Variants in SPECC1 observed in about 807,000 individuals in gnomAD.
SPECC1 encodes the protein cytospin-B.
A neutral mutation model predicts 104.1 loss-of-function variants in SPECC1; 62 were observed. The ratio of observed to expected loss-of-function variants is 0.60; its 90% CI spans 0.49 to 0.74. SPECC1 has a LOEUF of 0.74. SPECC1 is among the 30% of genes least tolerant of loss of function. The pLI, the probability that SPECC1 is intolerant of heterozygous loss-of-function variation, is 0.00. For missense variants in SPECC1, 1,306 were observed against 1,310.5 expected, an observed-to-expected ratio of 1.00 and a Z score of 0.05; for synonymous variants, 513 against 501.6, an observed-to-expected ratio of 1.02 and a Z score of -0.30.
At chr17:20,166,159 AC>A (rs1368671967) in intron 3 of SPECC1, among the ~76,000 whole-genome samples, 3 of 152,268 alleles carry the variant, frequency 2.0e-5, no homozygotes, top group Non-Finnish European at 2.9e-5. Context: ...TGATAAAAGT[AC>A]AATTCAAGAA....
chr17:20,198,433 A>T (rs2036183829), intron 3 of SPECC1, among the ~76,000 whole-genome samples: 1 of 152,244 alleles, frequency 6.6e-6, no homozygotes, highest in Admixed American at 6.5e-5. Context: ...CTCAGTAGCA[A>T]AGGGATCTTT....
Position 20,260,297 on chromosome 17 carries a change from A to C in SPECC1, c.2940+3A>C. The stretch of plus-strand genomic sequence containing the variant: ...AGAAGAAGACACAAGGTTATGCGGT[A>C]AGGGACAACATCAGCCAACTTCCAG... On this transcript the variant is annotated splice_donor_region_variant and intron_variant, in intron 12 of 14. Coordinates refer to ENST00000395527, the MANE Select transcript of SPECC1 (RefSeq NM_001243439.2). The C allele has an allele frequency of 6.2e-7, 1 of 1,613,188 alleles. No individual in the cohort carries two copies. Among genetic ancestry groups the C allele is most frequent in the Non-Finnish European group, 8.5e-7 (1 of 1,179,354 alleles).
At chr17:20,156,786 A>C (rs1476997243) in intron 3 of SPECC1, among the ~76,000 whole-genome samples, 4 of 152,106 alleles carry the variant, frequency 2.6e-5, no homozygotes, top group Non-Finnish European at 5.9e-5. Flanking sequence ...TCGTGGAGTC[A>C]GTTGGGCCGT....
In SPECC1 at chr17:20,166,107, A is replaced by G. The variant is rs530965495; in HGVS notation, c.284-38226A>G. ...AACAATAGTATCAGTTAAAAACACA[A>G]TACACCACAGAGTGTCTTAAATGAG... On this transcript the variant is annotated intron_variant, in intron 3 of 14. Transcript: ENST00000395527. 5.9e-5 allele frequency among the ~76,000 whole-genome samples: 9 copies of G among 152,354 alleles called. No homozygotes were observed. In the South Asian group the frequency reaches 8.3e-4, roughly 14 times the overall value.
intron 4 of SPECC1, among the ~76,000 whole-genome samples, chr17:20,210,564 C>G (rs181729312): frequency 1.2e-3 from 185 of 152,324 alleles, no homozygotes; most frequent in Non-Finnish European, 2.1e-4. Context: ...CACAGTGCCC[C>G]CAGGCCACCT....
chr17:20,110,467 G>A lies in SPECC1; in HGVS notation c.188G>A (p.Gly63Glu), dbSNP rs760444620. The change falls in exon 3 of 15, where the codon GGA becomes GAA. Residue 63 changes from glycine to glutamate, a missense_variant. Around this residue, in one of 2 missense-constraint regions of SPECC1, gnomAD observed 1,177 missense variants for 1,139.9 expected, o/e 1.03. Coordinates refer to ENST00000395527, the MANE Select transcript of SPECC1 (RefSeq NM_001243439.2). ...ASSEDTLNKP[G>E]STAASGVVRL... ...AGTGAGGACACGCTCAACAAGCCAG[G>A]AAGTACCGCTGCATCGGGGGTGGTT... is the stretch of plus-strand genomic sequence containing the variant. The A allele has an allele frequency of 6.8e-6, 11 of 1,613,900 alleles. No homozygotes were observed. Among genetic ancestry groups the A allele is most frequent in the Non-Finnish European group, 9.3e-6 (11 of 1,179,976 alleles).
At chr17:20,227,198 G>A (rs1452780881) in intron 4 of SPECC1, among the ~76,000 whole-genome samples, 1 of 152,216 alleles carries the variant, frequency 6.6e-6, no homozygotes, top group Non-Finnish European at 1.5e-5. Context: ...GCAAGAAACA[G>A]CACATGCCAA....
chr17:20,171,652 ATCC>A (rs2034099144), intron 3 of SPECC1, among the ~76,000 whole-genome samples: 1 of 151,870 alleles, frequency 6.6e-6, no homozygotes, highest in African/African-American at 2.4e-5. Context: ...GGCTCAAGTG[ATCC>A]TCCTGCCTCA....
At chr17:20,202,629 C>T (rs1259682208) in intron 3 of SPECC1, among the ~76,000 whole-genome samples, 1 of 152,016 alleles carries the variant, frequency 6.6e-6, no homozygotes, top group East Asian at 1.9e-4. Flanking sequence ...TTTTTTCTAT[C>T]TCATTTTATC....
At chr17:20,295,726 A>G (rs188195235) in intron 12 of SPECC1, among the ~76,000 whole-genome samples, 1 of 152,252 alleles carries the variant, frequency 6.6e-6, no homozygotes, top group Non-Finnish European at 1.5e-5. Context: ...CTGGTGTGAG[A>G]TGGTATCTCA....
At chr17:20,054,875 A>T (rs1273626214) in intron 1 of SPECC1, among the ~76,000 whole-genome samples, 1 of 151,560 alleles carries the variant, frequency 6.6e-6, no homozygotes, top group Non-Finnish European at 1.5e-5. Context: ...CTAGTCTCGA[A>T]CTCCTGGGCT....
chr17:20,216,901 C>T (rs746366476), intron 4 of SPECC1, among the ~76,000 whole-genome samples: 6 of 151,924 alleles, frequency 3.9e-5, no homozygotes, highest in Non-Finnish European at 8.8e-5. Context: ...GGTGGTCTCC[C>T]TGTAGTTCCA....
At position 20,205,802 on chromosome 17, in the gene SPECC1, A is replaced by C. The variant is rs1328703543; in HGVS notation, c.1753A>C (p.Lys585Gln). Residue 585 changes from lysine to glutamine, a missense_variant, in exon 4 of 15, where the codon AAA becomes CAA. Lys to Gln is a moderately conservative substitution (Grantham distance 53). Around this residue, in one of 2 missense-constraint regions of SPECC1, gnomAD observed 1,177 missense variants for 1,139.9 expected, o/e 1.03. Transcript: ENST00000395527. ...AESCEVQEMLKVARAEKDLLE... is the reference protein window; with the variant it reads ...AESCEVQEMLQVARAEKDLLE... The stretch of plus-strand genomic sequence containing the variant: ...GAGCTGCGAAGTTCAAGAAATGTTG[A>C]AAGTAGCCCGAGCAGAGAAAGATCT... 1 of 1,614,236 alleles carries C rather than the reference A, an allele frequency of 6.2e-7. No individual in the cohort carries two copies. Among genetic ancestry groups the C allele is most frequent in the Admixed American group, 1.7e-5 (1 of 60,024 alleles).
At chr17:20,047,927 T>G (rs188075866) in intron 1 of SPECC1, among the ~76,000 whole-genome samples, 65 of 152,310 alleles carry the variant, frequency 4.3e-4, no homozygotes, top group Admixed American at 2.2e-3. Context: ...TTTCACTGAC[T>G]TCTTCAGCAA....
chr17:20,065,173 A>G (rs760321370), intron 1 of SPECC1, among the ~76,000 whole-genome samples: 1 of 152,152 alleles, frequency 6.6e-6, no homozygotes, highest in Non-Finnish European at 1.5e-5. Context: ...AACACGGAAA[A>G]AGACTTCTGT....
intron 6 of SPECC1, 31 bp downstream of exon 6, chr17:20,231,862 T>A (rs779187600): frequency 1.9e-5 from 30 of 1,605,644 alleles, no homozygotes; most frequent in Non-Finnish European, 2.5e-5. Flanking sequence ...TTCACCACCA[T>A]CTTCCTATGA....
intron 7 of SPECC1, among the ~76,000 whole-genome samples, chr17:20,245,047 C>T (rs994398300): frequency 1.3e-5 from 2 of 152,208 alleles, no homozygotes; most frequent in African/African-American, 4.8e-5. Context: ...TCACCTCATG[C>T]AGAATTGCAG....
chr17:20,208,896 C>T (rs971291455), intron 4 of SPECC1, among the ~76,000 whole-genome samples: 2 of 152,138 alleles, frequency 1.3e-5, no homozygotes, highest in Admixed American at 6.5e-5. Context: ...AACTCCTGGG[C>T]TCAAGCAATC....
Position 20,041,620 on chromosome 17 carries a change from C to CTTT in SPECC1, c.-22+32219_-22+32221dup, listed in dbSNP as rs35255510. Among the ~76,000 whole-genome samples the CTTT allele has an allele frequency of 9.7e-3, 495 of 51,146 alleles. 46 individuals are homozygous for CTTT. The highest frequency in any genetic ancestry group is 0.017 in the African/African-American group (313 of 17,924). The allele number at this position is 51,146 out of a possible 152,430, so 33.6% of individuals were successfully genotyped here. ...GCACGTTTGTAGTTGTTTGTTGAGG[C>CTTT]TTTTTTTTTTTTTTTTTTTTTTTTT... is the stretch of plus-strand genomic sequence containing the variant. On this transcript the variant is annotated intron_variant, in intron 1 of 14. Transcript: ENST00000395527.
Sources: gnomAD v4.1 joint callset for allele counts (sites outside exome capture counted in the v4.1 genomes callset) on GRCh38, gnomAD v4.1.1 for gene constraint, gnomAD v4.1.1 regional missense constraint, MANE v1.5 for transcripts, NCBI Gene and HGNC (gene_info 2026-07-23, HGNC 2026-07-21) for gene names.